Variants in CIAO2A observed in about 807,000 individuals in gnomAD.
The protein encoded by CIAO2A is cytosolic iron-sulfur assembly component 2A.
CIAO2A carries 17 observed loss-of-function variants against 22.4 expected under a neutral mutation model. That is an observed-to-expected ratio of 0.76 (90% CI 0.52 to 1.14). The LOEUF is 1.14. CIAO2A is among the 50% of genes most tolerant of loss of function. The probability of loss-of-function intolerance (pLI) is 0.00; values close to 1 mark genes in which losing one functional copy is unlikely to be tolerated. For missense variants in CIAO2A, 192 were observed against 191.4 expected (o/e 1.00, Z -0.02); for synonymous variants, 74 against 72.3 (o/e 1.02, Z -0.12).
At chr15:64,091,575 T>C (rs2080839955) in intron 1 of CIAO2A, among the ~76,000 whole-genome samples, 1 of 152,084 alleles carries the variant, frequency 6.6e-6, no homozygotes, top group Non-Finnish European at 1.5e-5. Flanking sequence ...TGTGTTATCA[T>C]GGGACTTAGG....
At chr15:64,084,471 T>C (rs1199551554) in intron 2 of CIAO2A, among the ~76,000 whole-genome samples, 1 of 152,148 alleles carries the variant, frequency 6.6e-6, no homozygotes, top group Admixed American at 6.6e-5. Context: ...ATGAGATATA[T>C]AAAAATATTT....
In CIAO2A at chr15:64,088,852, C is replaced by G; in HGVS notation, c.125-1G>C. On this transcript the variant is annotated splice_acceptor_variant, in intron 1 of 4. Transcript: ENST00000300030. LOFTEE classifies it high-confidence loss of function. ...GGGTCCCGGATAGTTCTAATCAAAT[C>G]TAAAGAATCATCAGAGATAAGATAT... 1.2e-6 allele frequency: 2 copies of G among 1,604,078 alleles called. 1 individual carries two copies. The highest frequency in any genetic ancestry group is 4.5e-5 in the East Asian group (2 of 44,676).
intron 2 of CIAO2A, among the ~76,000 whole-genome samples, chr15:64,083,799 T>C (rs1275777473): frequency 2.0e-5 from 3 of 151,820 alleles, no homozygotes; most frequent in African/African-American, 4.8e-5. Context: ...AAAAAATTAG[T>C]TGGGCATGGT....
chr15:64,080,801 AAACAAACAATTCCTCAAAATGTTAAAC>A (rs1346629960), intron 3 of CIAO2A, among the ~76,000 whole-genome samples: 1 of 152,214 alleles, frequency 6.6e-6, no homozygotes, highest in Non-Finnish European at 1.5e-5. Context: ...CCACTGTGGA[AAACAAACAATTCCTCAAAATGTTAAAC>A]ACAGAGTTAC....
At chr15:64,092,435 C>A (rs149965223) in intron 1 of CIAO2A, among the ~76,000 whole-genome samples, 1 of 152,298 alleles carries the variant, frequency 6.6e-6, no homozygotes, top group African/African-American at 2.4e-5. Flanking sequence ...ACTAGTATCT[C>A]CCTTTCTCTG....
chr15:64,075,392 G>C, intron 4 of CIAO2A, 100 bp downstream of exon 4: 1 of 734,280 alleles, frequency 1.4e-6, no homozygotes, highest in South Asian at 2.1e-5. Context: ...GCACTTTTTT[G>C]AAAGTAACCC....
chr15:64,088,813 T>C lies in CIAO2A; in HGVS notation c.163A>G (p.Thr55Ala), dbSNP rs142829471. Residue 55 changes from threonine to alanine, a missense_variant, in exon 2 of 5, where the codon ACT becomes GCT. Transcript: ENST00000300030. ...RTIRDPEKPNTLEELEVVSES... is the reference protein window; with the variant it reads ...RTIRDPEKPNALEELEVVSES... ...GAGACCACTTCCAGTTCTTCTAAAG[T>C]ATTGGGCTTTTCTGGGTCCCGGATA... is the stretch of plus-strand genomic sequence containing the variant. 1.1e-5 allele frequency: 18 copies of C among 1,613,844 alleles called. No homozygotes were observed. The African/African-American group carries it at 2.3e-4, about 20-fold the overall frequency.
In CIAO2A at chr15:64,088,795, C is replaced by T; in HGVS notation, c.181G>A (p.Val61Met). The change falls in exon 2 of 5, where the codon GTG (valine) becomes ATG (methionine). Residue 61 changes from valine to methionine, a missense_variant. By Grantham distance (21) the Val-to-Met change is conservative (BLOSUM62 1). Coordinates refer to ENST00000300030, the MANE Select transcript of CIAO2A (RefSeq NM_032231.7). ...ACTTCCACACAACTTTCCGAGACCA[C>T]TTCCAGTTCTTCTAAAGTATTGGGC... ...EKPNTLEELEVVSESCVEVQE... is the reference protein window; with the variant it reads ...EKPNTLEELEMVSESCVEVQE... The T allele has an allele frequency of 6.2e-7, 1 of 1,614,092 alleles. No individual in the cohort carries two copies. Among genetic ancestry groups the T allele is most frequent in the Non-Finnish European group, 8.5e-7 (1 of 1,179,980 alleles).
At chr15:64,088,598 A>G in intron 2 of CIAO2A, 89 bp downstream of exon 2, 2 of 1,096,848 alleles carry the variant, frequency 1.8e-6, no homozygotes, top group Admixed American at 2.8e-5. Flanking sequence ...TGGTTTTTCA[A>G]CAATGATGCA....
intron 3 of CIAO2A, among the ~76,000 whole-genome samples, chr15:64,076,312 TAC>T (rs767556492): frequency 1.3e-5 from 2 of 152,018 alleles, no homozygotes; most frequent in South Asian, 2.1e-4. Flanking sequence ...ACACAGATTT[TAC>T]ACACACACAC....
intron 1 of CIAO2A, 90 bp from the exon 2 acceptor site, chr15:64,088,941 T>G: frequency 1.6e-6 from 2 of 1,263,698 alleles, no homozygotes; most frequent in Non-Finnish European, 2.2e-6. Flanking sequence ...AGCACTGACT[T>G]CTCTTACGTT....
intron 1 of CIAO2A, among the ~76,000 whole-genome samples, chr15:64,092,171 T>C (rs758674573): frequency 6.6e-6 from 1 of 152,174 alleles, no homozygotes; most frequent in Non-Finnish European, 1.5e-5. Flanking sequence ...TCATTTATAT[T>C]TAAAACCTTC....
chr15:64,089,459 C>A (rs1031755536), intron 1 of CIAO2A, among the ~76,000 whole-genome samples: 15 of 98,816 alleles, frequency 1.5e-4, no homozygotes, highest in African/African-American at 4.4e-4. Flanking sequence ...AGGTTGAGAG[C>A]GGAGATCGTG....
At chr15:64,073,349 C>T (rs778624075) in intron 4 of CIAO2A, among the ~76,000 whole-genome samples, 3 of 151,938 alleles carry the variant, frequency 2.0e-5, no homozygotes, top group South Asian at 2.1e-4. Flanking sequence ...TTTTAAACTA[C>T]AGGGTTATTT....
intron 1 of CIAO2A, chr15:64,090,453 C>T (rs2080831839): frequency 6.6e-6 from 1 of 152,454 alleles, no homozygotes; most frequent in Non-Finnish European, 1.5e-5. Flanking sequence ...TCGGGTTGTT[C>T]TTAGGTACAA....
At chr15:64,073,318 T>A (rs1367856141) in intron 4 of CIAO2A, among the ~76,000 whole-genome samples, 2 of 152,148 alleles carry the variant, frequency 1.3e-5, no homozygotes, top group Non-Finnish European at 2.9e-5. Context: ...AAATTGCTAT[T>A]TTTTCCCCCA....
chr15:64,074,409 T>A (rs1486299880), intron 4 of CIAO2A: 3 of 152,158 alleles, frequency 2.0e-5, no homozygotes, highest in African/African-American at 7.2e-5. Context: ...ACTTACTAAA[T>A]GAAAAACAAG....
rs965757494 is a variant in CIAO2A at position 64,072,653 on chromosome 15, G to T, written c.*278C>A. On this transcript the variant is annotated 3_prime_UTR_variant, in exon 5 of 5. Transcript: ENST00000300030. ...TAGATATTTGACACGAAAAATAGTT[G>T]TATCAGAATGAGCATCAGAAAAATA... is the stretch of plus-strand genomic sequence containing the variant. 3.8e-6 allele frequency: 1 copy of T among 259,898 alleles called. No individual in the cohort carries two copies. The highest frequency in any genetic ancestry group is 7.3e-6 in the Non-Finnish European group (1 of 137,816). The allele number at this position is 259,898 out of a possible 1,614,324, so 16.1% of individuals were successfully genotyped here.
At chr15:64,085,999 C>T (rs758298424) in intron 2 of CIAO2A, among the ~76,000 whole-genome samples, 4 of 151,906 alleles carry the variant, frequency 2.6e-5, no homozygotes, top group Non-Finnish European at 4.4e-5. Context: ...TGAGCCACTG[C>T]ACCCAGTGAC....
Sources: allele counts gnomAD v4.1 joint callset (sites outside exome capture counted in the v4.1 genomes callset), GRCh38; gene constraint gnomAD v4.1.1; transcripts MANE v1.5; gene names NCBI Gene and HGNC (gene_info 2026-07-23, HGNC 2026-07-21).